Variants in MTHFD2L observed in about 807,000 individuals in gnomAD.
MTHFD2L encodes the protein bifunctional methylenetetrahydrofolate dehydrogenase/cyclohydrolase 2, mitochondrial.
A neutral mutation model predicts 34.9 loss-of-function variants in MTHFD2L; 29 were observed. That is an observed-to-expected ratio of 0.83 (90% CI 0.62 to 1.13). The LOEUF is 1.13. Among genes scored for constraint, MTHFD2L ranks in the 50% most tolerant of loss-of-function variants. The pLI, the probability that MTHFD2L is intolerant of heterozygous loss-of-function variation, is 0.00. For synonymous variants in MTHFD2L, 167 were observed against 155.7 expected (o/e 1.07, Z -0.54); for missense variants, 481 against 446.5 (o/e 1.08, Z -0.70).
At chr4:74,277,654 T>C (rs1464071454) in intron 6 of MTHFD2L, among the ~76,000 whole-genome samples, 1 of 152,154 alleles carries the variant, frequency 6.6e-6, no homozygotes, top group African/African-American at 2.4e-5. Flanking sequence ...ATATTCTTTA[T>C]ACTGAGCTAA....
intron 5 of MTHFD2L, among the ~76,000 whole-genome samples, chr4:74,206,600 G>GA (rs983717990): frequency 2.0e-5 from 3 of 149,540 alleles, no homozygotes; most frequent in African/African-American, 7.3e-5. Flanking sequence ...CCAAGAGAAA[G>GA]AAAAAAAAAG....
intron 7 of MTHFD2L, among the ~76,000 whole-genome samples, chr4:74,291,202 A>G (rs1748915700): frequency 6.7e-6 from 1 of 150,290 alleles, no homozygotes; most frequent in Non-Finnish European, 1.5e-5. Flanking sequence ...TTTTTAGTAG[A>G]GATAGGGTTT....
chr4:74,140,103 C>T (rs1264173284), intron 1 of MTHFD2L, among the ~76,000 whole-genome samples: 2 of 151,908 alleles, frequency 1.3e-5, no homozygotes, highest in Non-Finnish European at 2.9e-5. Context: ...ATGGATTGAG[C>T]TCAGGAGTTT....
chr4:74,221,348 C>T (rs2110110535), intron 5 of MTHFD2L, among the ~76,000 whole-genome samples: 1 of 151,764 alleles, frequency 6.6e-6, no homozygotes, highest in South Asian at 2.1e-4. Flanking sequence ...CTTGATCTGT[C>T]ATGAACTGAG....
intron 1 of MTHFD2L, among the ~76,000 whole-genome samples, chr4:74,135,036 T>A (rs183160524): frequency 6.6e-6 from 1 of 151,924 alleles, no homozygotes; most frequent in Non-Finnish European, 1.5e-5. Flanking sequence ...GGAGCAAGGG[T>A]AGAAAGCTTA....
upstream of MTHFD2L, among the ~76,000 whole-genome samples, chr4:74,122,253 C>G (rs950356859): frequency 6.6e-6 from 1 of 152,152 alleles, no homozygotes; most frequent in Non-Finnish European, 1.5e-5. Context: ...AATTGACTCA[C>G]AATTCTGCAG....
At chr4:74,215,925 CTATGATTGGGTCACTAATTT>C in intron 5 of MTHFD2L, among the ~76,000 whole-genome samples, 1 of 150,950 alleles carries the variant, frequency 6.6e-6, no homozygotes, top group African/African-American at 2.5e-5. Flanking sequence ...ACTAGATGTG[CTATGATTGGGTCACTAATTT>C]TATCCTGAGA....
In MTHFD2L at chr4:74,199,900, C is replaced by T; in HGVS notation, c.558C>T (p.Leu186=). Residue 186 remains leucine (L), a synonymous_variant, in exon 4 of 8, where the codon CTC becomes CTT. Transcript: ENST00000325278. Reference sequence around the variant, plus strand: ...GATTGTGCCTTGATCAGCATTCTCTCATACCTGCCACTGCCAGTGCTGTTT... The same window carrying T: ...GATTGTGCCTTGATCAGCATTCTCTTATACCTGCCACTGCCAGTGCTGTTT... ...IGRLCLDQHS[L]IPATASAVWE... The T allele has an allele frequency of 6.2e-7, 1 of 1,613,986 alleles. No individual in the cohort carries two copies. The highest frequency in any genetic ancestry group is 8.5e-7 in the Non-Finnish European group (1 of 1,179,966).
chr4:74,281,350 T>C, intron 6 of MTHFD2L, 75 bp from the exon 7 acceptor site: 3 of 1,446,790 alleles, frequency 2.1e-6, no homozygotes, highest in Non-Finnish European at 2.8e-6. Context: ...TGTGTGTGTG[T>C]ATTTTTAAAG....
At chr4:74,118,364 G>T (rs570127779), upstream of MTHFD2L, among the ~76,000 whole-genome samples, 9 of 152,274 alleles carry the variant, frequency 5.9e-5, no homozygotes, top group Admixed American at 5.2e-4. Context: ...TGTAATTACT[G>T]CAAAGGCTCT....
At chr4:74,257,794 G>A (rs1744211187) in intron 6 of MTHFD2L, among the ~76,000 whole-genome samples, 1 of 152,040 alleles carries the variant, frequency 6.6e-6, no homozygotes, top group African/African-American at 2.4e-5. Flanking sequence ...AAGACACTCA[G>A]AATGAGAGAT....
intron 3 of MTHFD2L, among the ~76,000 whole-genome samples, chr4:74,196,148 C>A (rs1733428942): frequency 6.6e-6 from 1 of 152,052 alleles, no homozygotes; most frequent in South Asian, 2.1e-4. Context: ...ATATCATTAA[C>A]TGAACTAGTG....
chr4:74,134,804 G>C (rs1408397434), intron 1 of MTHFD2L, among the ~76,000 whole-genome samples: 1 of 151,946 alleles, frequency 6.6e-6, no homozygotes, highest in African/African-American at 2.4e-5. Context: ...TTGTAACTAA[G>C]AACTACATTT....
chr4:74,251,671 C>A (rs189905511), intron 6 of MTHFD2L, among the ~76,000 whole-genome samples: 22 of 152,198 alleles, frequency 1.4e-4, no homozygotes, highest in African/African-American at 5.3e-4. Flanking sequence ...GGCTAAGTAT[C>A]CCCCTCCCTA....
At chr4:74,286,928 G>C (rs777782231) in intron 7 of MTHFD2L, among the ~76,000 whole-genome samples, 5 of 152,190 alleles carry the variant, frequency 3.3e-5, no homozygotes, top group Non-Finnish European at 4.4e-5. Context: ...AGACAGGAAA[G>C]AGAAATGATG....
At chr4:74,288,898 T>C (rs1173291622) in intron 7 of MTHFD2L, among the ~76,000 whole-genome samples, 2 of 152,220 alleles carry the variant, frequency 1.3e-5, no homozygotes, top group African/African-American at 2.4e-5. Flanking sequence ...GAAAATTGTG[T>C]CAGGTCCCTT....
chr4:74,142,008 C>T (rs746981389), intron 1 of MTHFD2L, among the ~76,000 whole-genome samples: 1 of 152,118 alleles, frequency 6.6e-6, no homozygotes, highest in Admixed American at 6.5e-5. Flanking sequence ...TGAGCCTAAG[C>T]TGGGCTCACA....
intron 3 of MTHFD2L, chr4:74,190,495 C>T (rs1371861047): frequency 9.1e-6 from 9 of 985,130 alleles, no homozygotes; most frequent in Non-Finnish European, 1.1e-5. Context: ...AGAACCAGAC[C>T]CACCTTTTTC....
chr4:74,219,202 T>G (rs1246112795), intron 5 of MTHFD2L, among the ~76,000 whole-genome samples: 3 of 152,148 alleles, frequency 2.0e-5, no homozygotes, highest in Non-Finnish European at 4.4e-5. Context: ...AACCAGTCCC[T>G]CCCAGATACT....
Sources: gnomAD v4.1 joint callset for allele counts (sites outside exome capture counted in the v4.1 genomes callset) on GRCh38, gnomAD v4.1.1 for gene constraint, MANE v1.5 for transcripts, NCBI Gene and HGNC (gene_info 2026-07-23, HGNC 2026-07-21) for gene names.